Variants in MEIS1 observed in about 807,000 individuals in gnomAD.
MEIS1 encodes Meis homeobox 1.
Under a neutral mutation model 50.8 loss-of-function variants are expected in MEIS1, and 5 were observed. That is an observed-to-expected ratio of 0.10 (90% CI 0.05 to 0.21). The LOEUF (loss-of-function observed/expected upper bound fraction) is 0.21, where lower values mean the gene tolerates loss of function less well. MEIS1 is among the 10% of genes least tolerant of loss of function. The pLI, the probability that MEIS1 is intolerant of heterozygous loss-of-function variation, is 1.00. For missense variants in MEIS1, 318 were observed against 517.3 expected (o/e 0.61, Z 3.74); for synonymous variants, 176 against 179.3 (o/e 0.98, Z 0.15).
At chr2:66,491,012 C>T (rs1179647841) in intron 7 of MEIS1, among the ~76,000 whole-genome samples, 1 of 151,258 alleles carries the variant, frequency 6.6e-6, no homozygotes, top group Non-Finnish European at 1.5e-5. Context: ...CTGTTGCTTG[C>T]TTTTAAATAT....
chr2:66,541,809 T>C (rs1295774903), intron 8 of MEIS1, among the ~76,000 whole-genome samples: 1 of 152,240 alleles, frequency 6.6e-6, no homozygotes, highest in Non-Finnish European at 1.5e-5. Flanking sequence ...AGGACTCAAC[T>C]ACTATGCATT....
intron 9 of MEIS1, among the ~76,000 whole-genome samples, chr2:66,556,611 T>A (rs1338052158): frequency 6.6e-6 from 1 of 152,040 alleles, no homozygotes; most frequent in Non-Finnish European, 1.5e-5. Flanking sequence ...GGATGCTAAC[T>A]AAATCAAATG....
chr2:66,448,833 TA>T (rs1216245045), intron 6 of MEIS1, among the ~76,000 whole-genome samples: 2 of 152,150 alleles, frequency 1.3e-5, no homozygotes, highest in African/African-American at 4.8e-5. Context: ...AGAAGGTCTA[TA>T]ATTCAAAATT....
chr2:66,541,163 G>A (rs747269511), intron 8 of MEIS1, among the ~76,000 whole-genome samples: 1 of 151,750 alleles, frequency 6.6e-6, no homozygotes, highest in East Asian at 1.9e-4. Flanking sequence ...TCAGCCACCC[G>A]AGTAGCTGGG....
chr2:66,536,986 C>T (rs1674536784), intron 8 of MEIS1, among the ~76,000 whole-genome samples: 1 of 152,148 alleles, frequency 6.6e-6, no homozygotes, highest in African/African-American at 2.4e-5. Context: ...TATTTGTCAT[C>T]TTTATGGCTA....
At chr2:66,516,785 G>C (rs180671460) in intron 8 of MEIS1, among the ~76,000 whole-genome samples, 1 of 152,232 alleles carries the variant, frequency 6.6e-6, no homozygotes, top group East Asian at 1.9e-4. Flanking sequence ...AATTGAATTG[G>C]GAATTGAATG....
chr2:66,482,519 C>G (rs1025423313), intron 7 of MEIS1, among the ~76,000 whole-genome samples: 1 of 152,212 alleles, frequency 6.6e-6, no homozygotes, highest in African/African-American at 2.4e-5. Context: ...TACCAGTTCT[C>G]TCTCTCTGTC....
At chr2:66,510,791 C>A (rs899775710) in intron 7 of MEIS1, among the ~76,000 whole-genome samples, 11 of 151,898 alleles carry the variant, frequency 7.2e-5, no homozygotes, top group African/African-American at 2.7e-4. Flanking sequence ...TTGCAACATA[C>A]CTACTATAGA....
At chr2:66,494,760 C>T (rs1673357237) in intron 7 of MEIS1, among the ~76,000 whole-genome samples, 1 of 152,146 alleles carries the variant, frequency 6.6e-6, no homozygotes, top group African/African-American at 2.4e-5. Flanking sequence ...TTGAATTAGC[C>T]AGTTCCTTAT....
chr2:66,568,927 G>T, intron 11 of MEIS1, 123 bp from the exon 12 acceptor site: 1 of 1,095,824 alleles, frequency 9.1e-7, no homozygotes, highest in Non-Finnish European at 1.4e-6. Flanking sequence ...GGATCTTTAT[G>T]CACTGAAGAT....
At chr2:66,467,368 A>C (rs10165854) in intron 7 of MEIS1, among the ~76,000 whole-genome samples, 1 of 105,818 alleles carries the variant, frequency 9.5e-6, no homozygotes, top group African/African-American at 3.9e-5. Context: ...AGGCCGAGGT[A>C]GGGGGGGGTC....
chr2:66,492,062 C>T (rs1673286018), intron 7 of MEIS1, among the ~76,000 whole-genome samples: 2 of 145,086 alleles, frequency 1.4e-5, no homozygotes, highest in African/African-American at 2.6e-5. Flanking sequence ...AAAGTGTGAG[C>T]GTTCACTTGT....
chr2:66,439,161 G>A, intron 2 of MEIS1: 1 of 481,196 alleles, frequency 2.1e-6, no homozygotes, highest in Non-Finnish European at 2.7e-6. Context: ...TTGCCACTTC[G>A]CAGAGACAAA....
intron 7 of MEIS1, among the ~76,000 whole-genome samples, chr2:66,493,952 G>A (rs545011460): frequency 5.2e-4 from 79 of 152,254 alleles, no homozygotes; most frequent in African/African-American, 1.9e-3. Flanking sequence ...TCATTTGGTG[G>A]CAATATGGGC....
In MEIS1 at chr2:66,443,763, C is replaced by T. The variant is rs564410601; in HGVS notation, c.630+715C>T. On this transcript the variant is annotated intron_variant, in intron 6 of 12. Coordinates refer to ENST00000272369, the MANE Select transcript of MEIS1 (RefSeq NM_002398.3). ...TGCTCTGGGCCCTCTGGGTTGGCAG[C>T]TTGTGGACATATCAGCATCAGGGGC... 478 of 152,708 alleles carry T rather than the reference C, an allele frequency of 3.1e-3. 2 individuals carry two copies. The highest frequency in any genetic ancestry group is 5.2e-3 in the Non-Finnish European group (357 of 68,382). 9.5% of individuals were successfully genotyped at this position (152,708 alleles called of 1,614,324 possible).
intron 9 of MEIS1, among the ~76,000 whole-genome samples, chr2:66,554,773 G>GA (rs1032491305): frequency 2.6e-5 from 4 of 151,480 alleles, no homozygotes; most frequent in African/African-American, 9.7e-5. Context: ...AGTGGGGAAG[G>GA]AAAAAAAATA....
chr2:66,533,241 A>G (rs1372575364), intron 8 of MEIS1, among the ~76,000 whole-genome samples: 1 of 152,178 alleles, frequency 6.6e-6, no homozygotes, highest in Non-Finnish European at 1.5e-5. Flanking sequence ...TCCAACCACC[A>G]AAAGACAAAG....
intron 7 of MEIS1, among the ~76,000 whole-genome samples, chr2:66,476,355 G>A (rs1012051912): frequency 4.6e-5 from 7 of 152,172 alleles, no homozygotes; most frequent in Non-Finnish European, 7.3e-5. Context: ...TAAAAGTATT[G>A]CTTGATGTAC....
intron 8 of MEIS1, among the ~76,000 whole-genome samples, chr2:66,515,788 G>A (rs896687369): frequency 3.8e-4 from 58 of 152,082 alleles, no homozygotes; most frequent in Non-Finnish European, 7.4e-5. Context: ...TAATAAGAGA[G>A]AATTAGAAAG....
Sources: gnomAD v4.1 joint callset for allele counts (sites outside exome capture counted in the v4.1 genomes callset) on GRCh38, gnomAD v4.1.1 for gene constraint, MANE v1.5 for transcripts, NCBI Gene and HGNC (gene_info 2026-07-23, HGNC 2026-07-21) for gene names.